THSD7B: variants seen among roughly 807,000 people sequenced by gnomAD.
The protein encoded by THSD7B is thrombospondin type-1 domain-containing protein 7B.
THSD7B carries 138 observed loss-of-function variants against 213.6 expected under a neutral mutation model. The observed-to-expected ratio is 0.65, with a 90% CI of 0.56 to 0.74. The LOEUF (loss-of-function observed/expected upper bound fraction) is 0.74. Ranked by LOEUF, THSD7B falls within the 30% of genes least tolerant of loss-of-function variation. The probability of loss-of-function intolerance (pLI) is 0.00; values close to 1 mark genes in which losing one functional copy is unlikely to be tolerated. For synonymous variants in THSD7B, 742 were observed against 687.0 expected, an observed-to-expected ratio of 1.08 and a Z score of -1.25; for missense variants, 1,931 against 1,991.5, an observed-to-expected ratio of 0.97 and a Z score of 0.58.
chr2:136,789,532 G>T (rs775291740), intron 1 of THSD7B, among the ~76,000 whole-genome samples: 1 of 152,052 alleles, frequency 6.6e-6, no homozygotes, highest in Non-Finnish European at 1.5e-5. Flanking sequence ...TGTACAGTAA[G>T]TAATTTCAGT....
intron 2 of THSD7B, among the ~76,000 whole-genome samples, chr2:136,898,435 G>A (rs1442042864): frequency 6.6e-6 from 1 of 152,082 alleles, no homozygotes; most frequent in Non-Finnish European, 1.5e-5. Context: ...GTCTTCCAAA[G>A]TGCTGGGATT....
intron 2 of THSD7B, among the ~76,000 whole-genome samples, chr2:136,894,016 T>C (rs534814217): frequency 7.7e-4 from 118 of 152,308 alleles, no homozygotes; most frequent in Non-Finnish European, 1.5e-3. Flanking sequence ...TCCATGATAT[T>C]ATTACTCTCT....
intron 15 of THSD7B, among the ~76,000 whole-genome samples, chr2:137,470,910 C>CTTTTTTTTTTT (rs70978226): frequency 5.0e-5 from 6 of 119,820 alleles, no homozygotes; most frequent in African/African-American, 1.3e-4. Context: ...TTTTTCTTTA[C>CTTTTTTTTTTT]TTTTTTTTTT....
At chr2:136,999,642 T>C (rs1488357883) in intron 2 of THSD7B, among the ~76,000 whole-genome samples, 1 of 152,144 alleles carries the variant, frequency 6.6e-6, no homozygotes, top group East Asian at 1.9e-4. Flanking sequence ...TTTTGGCATC[T>C]GTCTCACCAA....
chr2:137,571,253 T>G (rs555500241), intron 16 of THSD7B, among the ~76,000 whole-genome samples: 1 of 152,310 alleles, frequency 6.6e-6, no homozygotes, highest in East Asian at 1.9e-4. Flanking sequence ...CAACATTATA[T>G]TTTTGACTGT....
intron 4 of THSD7B, among the ~76,000 whole-genome samples, chr2:137,112,363 T>TAAA (rs35106366): frequency 6.7e-6 from 1 of 150,078 alleles, no homozygotes. Flanking sequence ...TCTGAGGTGG[T>TAAA]AAAAAAAAAA....
intron 12 of THSD7B, among the ~76,000 whole-genome samples, chr2:137,374,316 A>G (rs1049450313): frequency 6.6e-6 from 1 of 152,124 alleles, no homozygotes; most frequent in Non-Finnish European, 1.5e-5. Context: ...TTCTGCCTTA[A>G]AATTTACTAT....
intron 15 of THSD7B, among the ~76,000 whole-genome samples, chr2:137,560,521 A>G (rs541706744): frequency 9.9e-5 from 15 of 152,028 alleles, no homozygotes; most frequent in African/African-American, 1.4e-4. Flanking sequence ...ATGAGAACAC[A>G]TGGACACAGG....
At chr2:137,412,527 G>T (rs1482693721) in intron 14 of THSD7B, among the ~76,000 whole-genome samples, 1 of 146,088 alleles carries the variant, frequency 6.8e-6, no homozygotes, top group Non-Finnish European at 1.5e-5. Flanking sequence ...AACCCGGGGG[G>T]CAGAGGTTGC....
At chr2:137,640,533 C>T (rs1414236850) in intron 20 of THSD7B, among the ~76,000 whole-genome samples, 1 of 152,210 alleles carries the variant, frequency 6.6e-6, no homozygotes, top group East Asian at 1.9e-4. Flanking sequence ...GAAGCAGCTA[C>T]TAGAGTAAAA....
intron 2 of THSD7B, among the ~76,000 whole-genome samples, chr2:136,897,237 G>A (rs919471786): frequency 2.6e-5 from 4 of 151,962 alleles, no homozygotes; most frequent in Admixed American, 1.3e-4. Flanking sequence ...TCTTGGTCTC[G>A]CTGACTTCAA....
At chr2:136,982,005 A>G (rs1685584658) in intron 2 of THSD7B, among the ~76,000 whole-genome samples, 1 of 152,200 alleles carries the variant, frequency 6.6e-6, no homozygotes, top group African/African-American at 2.4e-5. Flanking sequence ...CATAAATGTG[A>G]TGCCATTTTA....
At chr2:136,958,219 G>A (rs1156743461) in intron 2 of THSD7B, among the ~76,000 whole-genome samples, 1 of 152,170 alleles carries the variant, frequency 6.6e-6, no homozygotes, top group African/African-American at 2.4e-5. Flanking sequence ...AAGCAAAAGT[G>A]ACGCTAAAGA....
At chr2:136,840,920 A>AT (rs145451960) in intron 1 of THSD7B, among the ~76,000 whole-genome samples, 3,544 of 152,222 alleles carry the variant, frequency 0.023, 150 homozygotes, top group African/African-American at 0.081. Context: ...ATGATTCCAG[A>AT]TTTTTTGGTT....
At chr2:136,910,805 T>C (rs1428520407) in intron 2 of THSD7B, among the ~76,000 whole-genome samples, 1 of 152,100 alleles carries the variant, frequency 6.6e-6, no homozygotes, top group Non-Finnish European at 1.5e-5. Flanking sequence ...TATAATGATA[T>C]ATTTGATTTT....
chr2:137,140,412 TG>T (rs1217384542), intron 5 of THSD7B, among the ~76,000 whole-genome samples: 1 of 152,176 alleles, frequency 6.6e-6, no homozygotes, highest in Non-Finnish European at 1.5e-5. Flanking sequence ...TCTATGCCTT[TG>T]TTCAAATGTC....
chr2:137,476,375 C>T (rs1688192847), intron 15 of THSD7B, among the ~76,000 whole-genome samples: 1 of 151,882 alleles, frequency 6.6e-6, no homozygotes, highest in South Asian at 2.1e-4. Context: ...TGAGGTGTTA[C>T]TCATAAAATC....
chr2:137,405,210 A>G (rs114728278), intron 12 of THSD7B, among the ~76,000 whole-genome samples: 35,198 of 151,124 alleles, frequency 0.23, 4,294 homozygotes, highest in South Asian at 0.27. Flanking sequence ...AAAAAAAAAA[A>G]AAAATGACAT....
intron 6 of THSD7B, among the ~76,000 whole-genome samples, chr2:137,167,767 G>A (rs537980389): frequency 3.3e-5 from 5 of 152,218 alleles, no homozygotes; most frequent in African/African-American, 1.2e-4. Context: ...TTGAATCTGT[G>A]GTCAGGAAAT....
Sources: allele counts gnomAD v4.1 joint callset (sites outside exome capture counted in the v4.1 genomes callset), GRCh38; gene constraint gnomAD v4.1.1; transcripts MANE v1.5; gene names NCBI Gene and HGNC (gene_info 2026-07-23, HGNC 2026-07-21).